NRXN2: variants seen among roughly 807,000 people sequenced by gnomAD.
NRXN2 encodes the protein neurexin-2-beta.
A neutral mutation model predicts 128.8 loss-of-function variants in NRXN2; 29 were observed. That is an observed-to-expected ratio of 0.23 (90% CI 0.17 to 0.31). The LOEUF (loss-of-function observed/expected upper bound fraction) is 0.31. Among genes scored for constraint, NRXN2 ranks in the 10% least tolerant of loss-of-function variants. NRXN2 has a pLI of 1.00. For missense variants in NRXN2, 1,881 were observed against 2,452.6 expected (o/e 0.77, Z 4.92); for synonymous variants, 1,098 against 1,075.2 (o/e 1.02, Z -0.41).
chr11:64,681,897 A>C (rs1269720657), intron 6 of NRXN2, among the ~76,000 whole-genome samples: 1 of 152,196 alleles, frequency 6.6e-6, no homozygotes, highest in Non-Finnish European at 1.5e-5. Context: ...GGCAGGAAGG[A>C]GAGGAAAGGA....
intron 17 of NRXN2, among the ~76,000 whole-genome samples, chr11:64,647,398 C>T (rs2046855436): frequency 6.6e-6 from 1 of 152,074 alleles, no homozygotes; most frequent in African/African-American, 2.4e-5. Context: ...GCCAAAGCTA[C>T]CCCACAGAGT....
At chr11:64,608,405 G>T (rs1444275571) in intron 22 of NRXN2, among the ~76,000 whole-genome samples, 1 of 151,428 alleles carries the variant, frequency 6.6e-6, no homozygotes, top group African/African-American at 2.4e-5. Flanking sequence ...CTGGTTTAAG[G>T]CTTTAAAAAC....
At chr11:64,681,219 A>G (rs1202999311) in intron 6 of NRXN2, among the ~76,000 whole-genome samples, 2 of 152,098 alleles carry the variant, frequency 1.3e-5, no homozygotes, top group East Asian at 3.8e-4. Context: ...ACTTTTGGAC[A>G]TGGGTCCTCG....
At chr11:64,688,584 C>T in intron 5 of NRXN2, 1 of 985,366 alleles carries the variant, frequency 1.0e-6, no homozygotes, top group Non-Finnish European at 1.2e-6. Flanking sequence ...GGCGCTCTCC[C>T]CTATCTCGCC....
chr11:64,696,300 AACACAGATGCAG>A (rs2054512333), intron 3 of NRXN2, among the ~76,000 whole-genome samples: 1 of 151,890 alleles, frequency 6.6e-6, no homozygotes, highest in African/African-American at 2.4e-5. Flanking sequence ...CGGAGATGCA[AACACAGATGCAG>A]ACACACAAAG....
At chr11:64,656,049 C>T (rs2048232896) in intron 11 of NRXN2, 1 of 151,908 alleles carries the variant, frequency 6.6e-6, no homozygotes, top group Admixed American at 6.5e-5. Context: ...TGGAAAGGAA[C>T]TCAGGGGAAA....
intron 22 of NRXN2, among the ~76,000 whole-genome samples, chr11:64,616,107 T>C (rs1211664309): frequency 6.6e-6 from 1 of 151,988 alleles, no homozygotes; most frequent in Admixed American, 6.6e-5. Context: ...AAATTGTGTG[T>C]GTATGAGGCC....
At chr11:64,616,258 G>A (rs2041504654) in intron 22 of NRXN2, among the ~76,000 whole-genome samples, 1 of 152,198 alleles carries the variant, frequency 6.6e-6, no homozygotes, top group Non-Finnish European at 1.5e-5. Context: ...ACACCTCTCT[G>A]CAGATATGTA....
At chr11:64,709,908 C>CTTTT (rs530817393) in intron 2 of NRXN2, among the ~76,000 whole-genome samples, 1 of 139,848 alleles carries the variant, frequency 7.2e-6, no homozygotes, top group Non-Finnish European at 1.6e-5. Flanking sequence ...TTTCTTCTTC[C>CTTTT]TTTTTTTTTT....
At chr11:64,690,618 T>TG (rs1446610845) in intron 4 of NRXN2, 142 bp from the exon 5 acceptor site, 1 of 734,124 alleles carries the variant, frequency 1.4e-6, no homozygotes, top group Non-Finnish European at 2.4e-6. Flanking sequence ...GGGACTCCCT[T>TG]GCCTTCAAGA....
In NRXN2 at chr11:64,667,439, G is replaced by A. The variant is rs762261549; in HGVS notation, c.1609C>T (p.Arg537Trp). 2.8e-5 allele frequency: 46 copies of A among 1,614,134 alleles called. No individual in the cohort carries two copies. The highest frequency in any genetic ancestry group is 1.6e-4 in the Middle Eastern group (1 of 6,062). ...TGGCTGCCAGCTCCACCCCCAGCCC[G>A]CCGGCCCTGGCTGAAGAGCAGCAGC... ...NGLLLFSQGR[R>W]AGGGAGSHSS... The change falls in exon 9 of 23, where the codon CGG becomes TGG. Residue 537 changes from arginine to tryptophan, a missense_variant. By Grantham distance (101) the Arg-to-Trp change is moderately radical. Transcript: ENST00000265459. This position sits in a 1 kb window ranked among gnomAD's most constrained non-coding sequence, Gnocchi z 5.6.
At chr11:64,645,321 G>C (rs935862350) in intron 17 of NRXN2, among the ~76,000 whole-genome samples, 2 of 152,092 alleles carry the variant, frequency 1.3e-5, no homozygotes, top group African/African-American at 4.8e-5. Context: ...GAGAGAGATG[G>C]GGGGGCCAAG....
Position 64,619,924 on chromosome 11 carries a change from A to C in NRXN2, c.4252+370T>G, listed in dbSNP as rs1037594651. ...GGGCAGGTGGGAGTTGTGGTTCTGG[A>C]CCCAAGAACTGATGGGAGTTGTAGT... On this transcript the variant is annotated intron_variant, in intron 22 of 22. Transcript: ENST00000265459. 3.6e-4 allele frequency among the ~76,000 whole-genome samples: 54 copies of C among 152,078 alleles called. 1 individual carries two copies. Among genetic ancestry groups the C allele is most frequent in the African/African-American group, 1.3e-3 (54 of 41,472 alleles).
chr11:64,697,588 G>A (rs985942491), intron 3 of NRXN2, among the ~76,000 whole-genome samples, 187 bp downstream of exon 3: 3 of 152,082 alleles, frequency 2.0e-5, no homozygotes, highest in African/African-American at 4.8e-5. Context: ...CAGCTCCCCC[G>A]AAACTCATGA....
At position 64,622,499 on chromosome 11, in the gene NRXN2, C is replaced by G. The variant is rs552788986; in HGVS notation, c.4173+254G>C. ...TATAACTGGGCCATCAAACTCCTCC[C>G]CAATTCTGGGAATGGTCCCTCTAGA... On this transcript the variant is annotated intron_variant, in intron 21 of 22. Coordinates refer to ENST00000265459, the MANE Select transcript of NRXN2 (RefSeq NM_015080.4). The surrounding 1 kb of genome is among the most constrained non-coding windows in gnomAD (Gnocchi z 4.3). 1.3e-5 allele frequency among the ~76,000 whole-genome samples: 2 copies of G among 152,332 alleles called. No homozygotes were observed. The highest frequency in any genetic ancestry group is 4.1e-4 in the South Asian group (2 of 4,826).
chr11:64,713,688 C>T lies in NRXN2; in HGVS notation c.12G>A (p.Gly4=). The change falls in exon 2 of 23, where the codon GGG becomes GGA. Residue 4 remains glycine, a synonymous_variant. Coordinates refer to ENST00000265459, the MANE Select transcript of NRXN2 (RefSeq NM_015080.4). MAS[G]SRWRPTPPPL... ...GCGGCGGTGTCGGCCGCCACCGGCT[C>T]CCGGACGCCATGCCTACGGCGGCCC... The T allele has an allele frequency of 8.8e-7, 1 of 1,133,162 alleles. No homozygotes were observed. Among genetic ancestry groups the T allele is most frequent in the Non-Finnish European group, 1.1e-6 (1 of 927,976 alleles). The allele number at this position is 1,133,162 out of a possible 1,614,324, so 70.2% of individuals were successfully genotyped here. A position where few individuals can be genotyped will look rare whatever the true frequency, so the allele number is the denominator to read the frequency against.
intron 18 of NRXN2, among the ~76,000 whole-genome samples, chr11:64,634,917 A>T (rs1200353075): frequency 6.6e-6 from 1 of 152,188 alleles, no homozygotes; most frequent in African/African-American, 2.4e-5. Flanking sequence ...GCCCAGGGGA[A>T]GTCACAAATG....
chr11:64,626,624 C>T (rs1018177482), intron 19 of NRXN2, 72 bp from the exon 20 acceptor site: 3 of 1,104,582 alleles, frequency 2.7e-6, no homozygotes, highest in African/African-American at 1.5e-5. Context: ...AGTAATTATG[C>T]AATCCTCAGG....
intron 2 of NRXN2, among the ~76,000 whole-genome samples, chr11:64,704,304 G>C (rs1279431023): frequency 6.6e-6 from 1 of 151,954 alleles, no homozygotes; most frequent in Non-Finnish European, 1.5e-5. Context: ...ATGAAGACCA[G>C]AACAAAAGGG....
Sources: allele counts gnomAD v4.1 joint callset (sites outside exome capture counted in the v4.1 genomes callset), GRCh38; gene constraint gnomAD v4.1.1; non-coding constraint Gnocchi (gnomAD v3.1); transcripts MANE v1.5; gene names NCBI Gene and HGNC (gene_info 2026-07-23, HGNC 2026-07-21).